FOCAD: variants seen among roughly 807,000 people sequenced by gnomAD.
FOCAD encodes KIAA1797.
FOCAD carries 198 observed loss-of-function variants against 225.6 expected under a neutral mutation model. That is an observed-to-expected ratio of 0.88 (90% CI 0.78 to 0.99). The LOEUF is 0.99. FOCAD is among the 50% of genes least tolerant of loss of function. The pLI, the probability that FOCAD is intolerant of heterozygous loss-of-function variation, is 0.00. For missense variants in FOCAD, 2,713 were observed against 2,123.6 expected (o/e 1.28, Z -5.46); for synonymous variants, 897 against 755.0 (o/e 1.19, Z -3.08).
intron 19 of FOCAD, among the ~76,000 whole-genome samples, chr9:20,877,835 G>A (rs1389570166): frequency 3.3e-5 from 5 of 152,036 alleles, no homozygotes; most frequent in African/African-American, 1.2e-4. Flanking sequence ...GCTTGAACCT[G>A]GGGCAGAGGT....
rs1185317397 is a variant in FOCAD at position 20,770,237 on chromosome 9, A to G, written c.905A>G (p.Glu302Gly). ...LLEHSVELLK[E>G]DFPVELVIIG... ...GAGCACAGTGTTGAACTTCTGAAGG[A>G]GGTAAGGATAGTAGTATATTATACT... The change falls in exon 8 of 44, where the codon GAG becomes GGG. Residue 302 changes from glutamate (E) to glycine (G), a missense_variant and splice_region_variant. Physicochemically the swap from Glu to Gly is moderately conservative, Grantham distance 98. Transcript: ENST00000338382. 6.2e-7 allele frequency: 1 copy of G among 1,611,978 alleles called. No individual in the cohort carries two copies. Among genetic ancestry groups the G allele is most frequent in the East Asian group, 2.2e-5 (1 of 44,866 alleles).
intron 27 of FOCAD, among the ~76,000 whole-genome samples, chr9:20,932,276 T>C (rs984010401): frequency 3.9e-5 from 6 of 152,172 alleles, no homozygotes; most frequent in African/African-American, 1.2e-4. Context: ...AAAAAAGTGC[T>C]CTCTGCCTGG....
chr9:20,737,552 G>T (rs561271864), intron 4 of FOCAD, among the ~76,000 whole-genome samples: 1 of 152,148 alleles, frequency 6.6e-6, no homozygotes, highest in African/African-American at 2.4e-5. Context: ...GCTTAAATAC[G>T]ACTTGAAAGC....
At position 20,764,911 on chromosome 9, in the gene FOCAD, G is replaced by T; in HGVS notation, c.537G>T (p.Trp179Cys). The change falls in exon 7 of 44, where the codon TGG (tryptophan) becomes TGT (cysteine). Residue 179 changes from tryptophan to cysteine, a missense_variant. Transcript: ENST00000338382. ...SCIQIMAPFL[W>C]YLYCEPSQLQ... The stretch of plus-strand genomic sequence containing the variant: ...TTCAAATAATGGCACCATTTCTGTG[G>T]TATCTGTATTGTGAACCATCTCAGT... 1 of 1,614,080 alleles carries T rather than the reference G, an allele frequency of 6.2e-7. No homozygotes were observed. The highest frequency in any genetic ancestry group is 8.5e-7 in the Non-Finnish European group (1 of 1,180,006).
chr9:20,782,730 A>C (rs868379547), intron 10 of FOCAD, among the ~76,000 whole-genome samples: 1 of 152,212 alleles, frequency 6.6e-6, no homozygotes, highest in Non-Finnish European at 1.5e-5. Context: ...GAGAGGCACT[A>C]TGTAAATACA....
chr9:20,752,161 A>C (rs36185775), intron 5 of FOCAD, among the ~76,000 whole-genome samples: 45,376 of 150,178 alleles, frequency 0.3, 8,083 homozygotes, highest in Non-Finnish European at 0.4. Flanking sequence ...TCTTTAGTTT[A>C]ATTAGATCCC....
In FOCAD at chr9:20,699,737, CAAAAAAAAAAAAAAAAAAAAAAAA is replaced by C. The variant is rs71334546; in HGVS notation, c.-33+15458_-33+15481del. Among the ~76,000 whole-genome samples the C allele has an allele frequency of 2.0e-4, 8 of 40,564 alleles. No homozygotes were observed. The Admixed American group carries it at 2.5e-3, about 13-fold the overall frequency. 26.6% of individuals were successfully genotyped at this position (40,564 alleles called of 152,430 possible). ...TGGGCTACAGAGCAAGACTCCGTCT[CAAAAAAAAAAAAAAAAAAAAAAAA>C]AAAAAAAAAAAAATATATATATATA... On this transcript the variant is annotated intron_variant, in intron 1 of 43. Transcript: ENST00000338382.
At chr9:20,731,220 A>G (rs1826661940) in intron 4 of FOCAD, among the ~76,000 whole-genome samples, 1 of 151,288 alleles carries the variant, frequency 6.6e-6, no homozygotes, top group South Asian at 2.1e-4. Flanking sequence ...CCTGGGTGAC[A>G]CAGCGAGACT....
intron 15 of FOCAD, among the ~76,000 whole-genome samples, chr9:20,827,868 T>A (rs565619853): frequency 6.6e-6 from 1 of 152,088 alleles, no homozygotes; most frequent in Non-Finnish European, 1.5e-5. Flanking sequence ...TTGTTAAAGA[T>A]TTTTATTAAA....
At chr9:20,745,639 T>G (rs1053240412) in intron 5 of FOCAD, among the ~76,000 whole-genome samples, 6 of 152,344 alleles carry the variant, frequency 3.9e-5, no homozygotes, top group Middle Eastern at 3.4e-3. Flanking sequence ...TCAGCTAAAG[T>G]GAGGAAATAG....
chr9:20,971,771 C>T (rs554457826), intron 35 of FOCAD, among the ~76,000 whole-genome samples: 2 of 152,234 alleles, frequency 1.3e-5, no homozygotes, highest in East Asian at 1.9e-4. Flanking sequence ...ACCCCTCTCC[C>T]TATCCCCTGG....
At chr9:20,888,360 A>G (rs985556445) in intron 21 of FOCAD, among the ~76,000 whole-genome samples, 4 of 151,906 alleles carry the variant, frequency 2.6e-5, no homozygotes, top group African/African-American at 9.7e-5. Context: ...GCTGGTCTCA[A>G]ACTCCTGACC....
intron 37 of FOCAD, among the ~76,000 whole-genome samples, chr9:20,981,178 A>T (rs1443624489): frequency 6.6e-6 from 1 of 152,190 alleles, no homozygotes; most frequent in Admixed American, 6.5e-5. Context: ...TGAGTAGTTC[A>T]CAGATGGGTT....
chr9:20,765,542 A>G (rs2130957053), intron 7 of FOCAD, among the ~76,000 whole-genome samples: 2 of 152,264 alleles, frequency 1.3e-5, no homozygotes, highest in Middle Eastern at 6.8e-3. Flanking sequence ...TCCCCTTGCA[A>G]CATATGCAGC....
chr9:20,884,242 T>A (rs971352166), intron 20 of FOCAD, among the ~76,000 whole-genome samples: 26 of 152,312 alleles, frequency 1.7e-4, no homozygotes, highest in African/African-American at 6.3e-4. Context: ...TTGTAAATAA[T>A]ATTTTACATG....
At chr9:20,718,169 A>G (rs990116646) in intron 3 of FOCAD, among the ~76,000 whole-genome samples, 21 of 152,128 alleles carry the variant, frequency 1.4e-4, no homozygotes, top group African/African-American at 5.1e-4. Flanking sequence ...TGCTTTAGAG[A>G]AGATTGATAG....
In FOCAD at chr9:20,888,979, G is replaced by A. The variant is rs1831373653; in HGVS notation, c.2625+3749G>A. 2.0e-5 allele frequency among the ~76,000 whole-genome samples: 3 copies of A among 152,166 alleles called. No individual in the cohort carries two copies. The South Asian group carries it at 6.2e-4, about 32-fold the overall frequency. ...GTGTGAAAGTGGACTGATACAAGGT[G>A]TGATACATATACCATAAAATTTACT... is the stretch of plus-strand genomic sequence containing the variant. On this transcript the variant is annotated intron_variant, in intron 21 of 43. Transcript: ENST00000338382.
intron 10 of FOCAD, among the ~76,000 whole-genome samples, chr9:20,782,283 C>G (rs1475536402): frequency 6.6e-6 from 1 of 152,126 alleles, no homozygotes; most frequent in Non-Finnish European, 1.5e-5. Context: ...CAGCATATTG[C>G]TAGATCTGAG....
intron 7 of FOCAD, among the ~76,000 whole-genome samples, chr9:20,766,812 T>C (rs1474753443): frequency 6.6e-6 from 1 of 152,098 alleles, no homozygotes; most frequent in African/African-American, 2.4e-5. Flanking sequence ...ATGACTACAA[T>C]GCTGTTGATG....
Sources: gnomAD v4.1 joint callset for allele counts (sites outside exome capture counted in the v4.1 genomes callset) on GRCh38, gnomAD v4.1.1 for gene constraint, MANE v1.5 for transcripts, NCBI Gene and HGNC (gene_info 2026-07-23, HGNC 2026-07-21) for gene names.